DTD1: variants seen among roughly 807,000 people sequenced by gnomAD.
The protein encoded by DTD1 is D-aminoacyl-tRNA deacylase 1.
A neutral mutation model predicts 25.6 loss-of-function variants in DTD1; 13 were observed. That is an observed-to-expected ratio of 0.51 (90% confidence interval 0.33 to 0.81). The LOEUF (loss-of-function observed/expected upper bound fraction) is 0.81. DTD1 is among the 30% of genes least tolerant of loss of function. The pLI, the probability that DTD1 is intolerant of heterozygous loss-of-function variation, is 0.02. For synonymous variants in DTD1, 110 were observed against 103.6 expected (o/e 1.06, Z -0.37); for missense variants, 193 against 266.4 (o/e 0.72, Z 1.92).
At chr20:18,646,954 C>G (rs1318308641) in intron 4 of DTD1, among the ~76,000 whole-genome samples, 1 of 152,182 alleles carries the variant, frequency 6.6e-6, no homozygotes, top group Non-Finnish European at 1.5e-5. Context: ...CCCTGACCTT[C>G]TGAGATGAAC....
chr20:18,742,108 C>T (rs994824376), intron 4 of DTD1, among the ~76,000 whole-genome samples: 1 of 152,052 alleles, frequency 6.6e-6, no homozygotes, highest in Non-Finnish European at 1.5e-5. Context: ...CCACATTACA[C>T]GTATCTGTCC....
intron 4 of DTD1, among the ~76,000 whole-genome samples, chr20:18,731,652 T>C (rs1176835884): frequency 6.6e-6 from 1 of 152,208 alleles, no homozygotes; most frequent in East Asian, 1.9e-4. Context: ...TATTTTTTCA[T>C]GCTGCTATAC....
intron 4 of DTD1, among the ~76,000 whole-genome samples, chr20:18,676,185 G>T (rs562910061): frequency 5.0e-4 from 76 of 152,228 alleles, no homozygotes; most frequent in Non-Finnish European, 8.5e-4. Context: ...TGTAATGCTG[G>T]GGTAGAGAAT....
chr20:18,708,231 T>TAAATACATA (rs1462362587), intron 4 of DTD1, among the ~76,000 whole-genome samples: 3 of 15,394 alleles, frequency 1.9e-4, no homozygotes, highest in Admixed American at 9.2e-4. Context: ...ATATATATAT[T>TAAATACATA]TTATATATAT....
intron 5 of DTD1, among the ~76,000 whole-genome samples, chr20:18,755,028 G>A (rs954962510): frequency 6.6e-6 from 1 of 152,170 alleles, no homozygotes; most frequent in Non-Finnish European, 1.5e-5. Context: ...AAGTTCTTAT[G>A]CCTAGGAAGT....
chr20:18,660,598 A>C (rs2060906267), intron 4 of DTD1, among the ~76,000 whole-genome samples: 2 of 151,886 alleles, frequency 1.3e-5, no homozygotes, highest in Admixed American at 6.6e-5. Flanking sequence ...TTTTTATTAC[A>C]AAAAAAATTA....
chr20:18,747,987 C>T lies in DTD1; in HGVS notation c.*19+3716C>T, dbSNP rs560391869. 1.6e-3 allele frequency among the ~76,000 whole-genome samples: 247 copies of T among 152,228 alleles called. 1 individual carries two copies. The highest frequency in any genetic ancestry group is 5.6e-3 in the African/African-American group (234 of 41,528). On this transcript the variant is annotated intron_variant, in intron 5 of 5. Transcript: ENST00000377452. ...TGAGCCAAGATTGCGCTACTGCACTCCAGCCTGGCGACAGAGTGAGACTCC... is the reference window on the plus strand; with the variant it reads ...TGAGCCAAGATTGCGCTACTGCACTTCAGCCTGGCGACAGAGTGAGACTCC...
At chr20:18,757,175 C>G (rs922777381) in intron 5 of DTD1, among the ~76,000 whole-genome samples, 1 of 152,126 alleles carries the variant, frequency 6.6e-6, no homozygotes, top group Non-Finnish European at 1.5e-5. Flanking sequence ...TTTGGGCTGA[C>G]ATGATGGGGT....
At chr20:18,757,109 C>T (rs1303870110) in intron 5 of DTD1, among the ~76,000 whole-genome samples, 62 of 152,014 alleles carry the variant, frequency 4.1e-4, no homozygotes, top group Non-Finnish European at 7.8e-4. Context: ...GTGATTTTTG[C>T]ACATTGATTT....
Position 18,749,079 on chromosome 20 carries a change from C to T in DTD1, c.*19+4808C>T, listed in dbSNP as rs1198641862. On this transcript the variant is annotated intron_variant, in intron 5 of 5. Coordinates refer to ENST00000377452, the MANE Select transcript of DTD1 (RefSeq NM_080820.6). The surrounding 1 kb of genome is among the most constrained non-coding windows in gnomAD (Gnocchi z 4.2). ...TGGCCTCAGCCTTCAGGTTAGGAGACTCAGCGGGAAGGAGCAGAGGGACAG... is the reference window on the plus strand; with the variant it reads ...TGGCCTCAGCCTTCAGGTTAGGAGATTCAGCGGGAAGGAGCAGAGGGACAG... Among the ~76,000 whole-genome samples, 1 of 152,164 alleles carries T rather than the reference C, an allele frequency of 6.6e-6. No homozygotes were observed. Among genetic ancestry groups the T allele is most frequent in the East Asian group, 1.9e-4 (1 of 5,180 alleles).
chr20:18,653,959 A>G (rs559168413), intron 4 of DTD1, among the ~76,000 whole-genome samples: 1 of 152,354 alleles, frequency 6.6e-6, no homozygotes, highest in South Asian at 2.1e-4. Flanking sequence ...TGACATGGCT[A>G]AGTGAGAGAG....
intron 4 of DTD1, among the ~76,000 whole-genome samples, chr20:18,709,485 T>C (rs1820761211): frequency 6.6e-6 from 1 of 152,206 alleles, no homozygotes; most frequent in Non-Finnish European, 1.5e-5. Context: ...ACCAACCATC[T>C]ACCTGGCTCC....
At chr20:18,680,329 T>G (rs1600363105) in intron 4 of DTD1, among the ~76,000 whole-genome samples, 1 of 151,526 alleles carries the variant, frequency 6.6e-6, no homozygotes, top group Non-Finnish European at 1.5e-5. Flanking sequence ...GGACTAAAGG[T>G]GTGTGCCACC....
chr20:18,612,033 G>GT (rs57848248), intron 3 of DTD1, among the ~76,000 whole-genome samples: 32,231 of 96,748 alleles, frequency 0.33, 5,783 homozygotes, highest in Non-Finnish European at 0.4. Context: ...TAATTTTTGT[G>GT]TTTTTTTTTT....
intron 4 of DTD1, chr20:18,632,285 A>G (rs2060791601): frequency 2.0e-6 from 2 of 985,366 alleles, no homozygotes; most frequent in Admixed American, 6.1e-5. Flanking sequence ...CTCCTCAAAT[A>G]CACAAATTGT....
chr20:18,702,230 A>G (rs1362043272), intron 4 of DTD1, among the ~76,000 whole-genome samples: 2 of 152,214 alleles, frequency 1.3e-5, no homozygotes, highest in Non-Finnish European at 2.9e-5. Context: ...TTTGGTTTCC[A>G]TTCCAACATC....
chr20:18,658,369 A>G (rs2060898136), intron 4 of DTD1, among the ~76,000 whole-genome samples: 1 of 150,704 alleles, frequency 6.6e-6, no homozygotes, highest in Non-Finnish European at 1.5e-5. Flanking sequence ...TCTGTCGCCC[A>G]TGCTGGAGTG....
chr20:18,677,341 T>C (rs1293644167), intron 4 of DTD1, among the ~76,000 whole-genome samples: 1 of 152,170 alleles, frequency 6.6e-6, no homozygotes, highest in African/African-American at 2.4e-5. Context: ...CCGTGTTCTC[T>C]TGTGCAGCTC....
intron 4 of DTD1, among the ~76,000 whole-genome samples, chr20:18,742,344 G>A (rs1172463245): frequency 6.6e-6 from 1 of 152,114 alleles, no homozygotes; most frequent in Non-Finnish European, 1.5e-5. Context: ...TCAGGTAAAT[G>A]GGGAGTAGGA....
Sources: allele counts gnomAD v4.1 joint callset (sites outside exome capture counted in the v4.1 genomes callset), GRCh38; gene constraint gnomAD v4.1.1; non-coding constraint Gnocchi (gnomAD v3.1); transcripts MANE v1.5; gene names NCBI Gene and HGNC (gene_info 2026-07-23, HGNC 2026-07-21).